The following MYO1D variants were observed in gnomAD, a reference collection of about 807,000 sequenced individuals.
MYO1D encodes the protein myosin ID, also known as unconventional myosin-Id.
Under a neutral mutation model 122.0 loss-of-function variants are expected in MYO1D, and 83 were observed. That is an observed-to-expected ratio of 0.68 (90% CI 0.57 to 0.82). The LOEUF is 0.82. Among genes scored for constraint, MYO1D ranks in the 40% least tolerant of loss-of-function variants. The pLI, the probability that MYO1D is intolerant of heterozygous loss-of-function variation, is 0.00. For synonymous variants in MYO1D, 464 were observed against 446.9 expected, an observed-to-expected ratio of 1.04 and a Z score of -0.48; for missense variants, 1,157 against 1,269.5, an observed-to-expected ratio of 0.91 and a Z score of 1.35.
At chr17:32,534,770 C>T (rs1910611632) in intron 21 of MYO1D, among the ~76,000 whole-genome samples, 1 of 152,002 alleles carries the variant, frequency 6.6e-6, no homozygotes, top group Non-Finnish European at 1.5e-5. Context: ...CTGAAGAAAT[C>T]CCCCCCTTTT....
intron 20 of MYO1D, among the ~76,000 whole-genome samples, chr17:32,611,462 G>GT (rs2087701243): frequency 7.0e-6 from 1 of 143,788 alleles, no homozygotes; most frequent in Non-Finnish European, 1.5e-5. Flanking sequence ...GTAGAATAAA[G>GT]GAAAAAATCT....
At position 32,723,999 on chromosome 17, in the gene MYO1D, C is replaced by T. The variant is rs569968698; in HGVS notation, c.1747-2810G>A. Among the ~76,000 whole-genome samples, 5 of 152,144 alleles carry T rather than the reference C, an allele frequency of 3.3e-5. No individual in the cohort carries two copies. In the South Asian group the frequency reaches 6.2e-4, roughly 19 times the overall value. ...TTAAAAATAGTGATGTGTGATCAAA[C>T]GTTCACTAAATCTGTAATGATTTTC... is the stretch of plus-strand genomic sequence containing the variant. On this transcript the variant is annotated intron_variant, in intron 14 of 21. Transcript: ENST00000318217.
intron 1 of MYO1D, among the ~76,000 whole-genome samples, chr17:32,793,348 T>C (rs2090377149): frequency 6.6e-6 from 1 of 151,618 alleles, no homozygotes; most frequent in Admixed American, 6.6e-5. Context: ...CTTGTTCTCA[T>C]TCTCCTCTGT....
In MYO1D at chr17:32,678,283, G is replaced by A. The variant is rs374522758; in HGVS notation, c.2122-18945C>T. ...TTTTTTTTCTTTTATTATACTTTAC[G>A]TTTTAGGGTACATGTGCACATTGTG... On this transcript the variant is annotated intron_variant, in intron 16 of 21. Coordinates refer to ENST00000318217, the MANE Select transcript of MYO1D (RefSeq NM_015194.3). 1.3e-4 allele frequency among the ~76,000 whole-genome samples: 19 copies of A among 148,854 alleles called. No individual in the cohort carries two copies. The East Asian group carries it at 2.4e-3, about 18-fold the overall frequency.
intron 1 of MYO1D, among the ~76,000 whole-genome samples, chr17:32,838,061 G>C (rs183403607): frequency 2.5e-4 from 38 of 151,964 alleles, no homozygotes; most frequent in South Asian, 2.5e-3. Flanking sequence ...TATGTAGTTG[G>C]ATCGGTGATC....
rs576814498 is a variant in MYO1D, at chr17:32,513,338, G to C, written c.2865-18423C>G. ...GGGGTCCCGCTGGAGAGACGCTTAG[G>C]AGTGAGAACGTGGCGACTGGCTGAA... is the stretch of plus-strand genomic sequence containing the variant. On this transcript the variant is annotated intron_variant, in intron 21 of 21. Coordinates refer to ENST00000318217, the MANE Select transcript of MYO1D (RefSeq NM_015194.3). Among the ~76,000 whole-genome samples the C allele has an allele frequency of 4.6e-5, 7 of 152,336 alleles. No homozygotes were observed. The East Asian group carries it at 1.3e-3, about 29-fold the overall frequency.
intron 1 of MYO1D, among the ~76,000 whole-genome samples, chr17:32,834,162 AC>A (rs1368442302): frequency 1.3e-5 from 2 of 152,208 alleles, no homozygotes; most frequent in African/African-American, 4.8e-5. Flanking sequence ...ATGTAATAAT[AC>A]CTGATAATAT....
chr17:32,610,361 T>C (rs2087685195), intron 20 of MYO1D, among the ~76,000 whole-genome samples: 2 of 152,106 alleles, frequency 1.3e-5, no homozygotes, highest in African/African-American at 2.4e-5. Flanking sequence ...TCAGAAGAAA[T>C]GAGGGAAAAC....
chr17:32,708,081 G>A (rs960885966), intron 16 of MYO1D, among the ~76,000 whole-genome samples: 1 of 152,162 alleles, frequency 6.6e-6, no homozygotes, highest in Admixed American at 6.5e-5. Flanking sequence ...TGAGTCCTGT[G>A]AATCCTTCTA....
intron 7 of MYO1D, among the ~76,000 whole-genome samples, chr17:32,765,336 C>T (rs559757471): frequency 3.9e-5 from 6 of 152,182 alleles, no homozygotes; most frequent in African/African-American, 1.4e-4. Context: ...GAATCTTTTG[C>T]CTTAGGGTCT....
intron 1 of MYO1D, among the ~76,000 whole-genome samples, chr17:32,864,548 G>GAAAAAAAAAAAA (rs200717040): frequency 2.7e-5 from 2 of 73,028 alleles, no homozygotes; most frequent in African/African-American, 5.1e-5. Context: ...TTCTACGAAT[G>GAAAAAAAAAAAA]AAAAAAAAAA....
At chr17:32,787,931 C>T (rs1422963634) in intron 1 of MYO1D, among the ~76,000 whole-genome samples, 1 of 152,302 alleles carries the variant, frequency 6.6e-6, no homozygotes, top group African/African-American at 2.4e-5. Context: ...TTATTTTGTT[C>T]CTTTTTATGG....
intron 16 of MYO1D, among the ~76,000 whole-genome samples, chr17:32,685,614 C>T (rs145483328): frequency 4.6e-5 from 7 of 152,270 alleles, no homozygotes; most frequent in South Asian, 2.1e-4. Flanking sequence ...AGGTTTTCTA[C>T]GATTATTAGA....
chr17:32,788,402 A>C (rs900440816), intron 1 of MYO1D, among the ~76,000 whole-genome samples: 2 of 152,138 alleles, frequency 1.3e-5, no homozygotes, highest in African/African-American at 4.8e-5. Context: ...TATCTTCTAT[A>C]ATTTTTATGC....
intron 21 of MYO1D, among the ~76,000 whole-genome samples, chr17:32,589,336 T>C (rs2087418475): frequency 6.6e-6 from 1 of 152,182 alleles, no homozygotes; most frequent in Non-Finnish European, 1.5e-5. Flanking sequence ...GAGCCACAGC[T>C]CCCAAATGTT....
intron 1 of MYO1D, among the ~76,000 whole-genome samples, chr17:32,782,002 G>A (rs1598094523): frequency 6.6e-6 from 1 of 152,220 alleles, no homozygotes; most frequent in African/African-American, 2.4e-5. Flanking sequence ...AACAAAGGGT[G>A]TGCCCTGACA....
chr17:32,507,014 TTTTG>T (rs1204561555), intron 21 of MYO1D, among the ~76,000 whole-genome samples: 3 of 152,264 alleles, frequency 2.0e-5, no homozygotes, highest in East Asian at 3.9e-4. Flanking sequence ...TAGATAATTG[TTTTG>T]TTTATTTATT....
chr17:32,863,398 C>T (rs2091094723), intron 1 of MYO1D, among the ~76,000 whole-genome samples: 1 of 152,230 alleles, frequency 6.6e-6, no homozygotes. Flanking sequence ...CCCAAGGTAA[C>T]CCCTCAGTCT....
intron 21 of MYO1D, among the ~76,000 whole-genome samples, chr17:32,513,895 G>A (rs1297786922): frequency 2.0e-5 from 3 of 151,070 alleles, no homozygotes; most frequent in East Asian, 3.9e-4. Flanking sequence ...TAGGGTGTGA[G>A]CATGGCTCAC....
Sources: gnomAD v4.1 joint callset for allele counts (sites outside exome capture counted in the v4.1 genomes callset) on GRCh38, gnomAD v4.1.1 for gene constraint, MANE v1.5 for transcripts, NCBI Gene and HGNC (gene_info 2026-07-23, HGNC 2026-07-21) for gene names.